Variants in NCOA1 observed in about 807,000 individuals in gnomAD.
The protein encoded by NCOA1 is nuclear receptor coactivator 1, also known as Hin-2 protein.
In NCOA1, 35 loss-of-function variants were observed where a neutral mutation model predicts 150.9. That is an observed-to-expected ratio of 0.23 (90% confidence interval 0.18 to 0.31). The LOEUF (loss-of-function observed/expected upper bound fraction) is 0.31. NCOA1 is among the 10% of genes least tolerant of loss of function. The pLI, the probability that NCOA1 is intolerant of heterozygous loss-of-function variation, is 1.00. For synonymous variants in NCOA1, 590 were observed against 630.0 expected (o/e 0.94, Z 0.95); for missense variants, 1,491 against 1,749.3 (o/e 0.85, Z 2.63).
chr2:24,570,370 G>A (rs138690605), intron 2 of NCOA1, among the ~76,000 whole-genome samples: 1 of 152,146 alleles, frequency 6.6e-6, no homozygotes, highest in Admixed American at 6.5e-5. Context: ...GTTGGCCAAA[G>A]AAGATGAGAC....
At chr2:24,754,262 A>C (rs1032712031) in intron 20 of NCOA1, among the ~76,000 whole-genome samples, 1 of 152,254 alleles carries the variant, frequency 6.6e-6, no homozygotes. Flanking sequence ...CATGAGGCAG[A>C]GTATGTCCGT....
At chr2:24,639,431 T>C (rs560525002) in intron 3 of NCOA1, among the ~76,000 whole-genome samples, 1 of 152,160 alleles carries the variant, frequency 6.6e-6, no homozygotes, top group Admixed American at 6.5e-5. Flanking sequence ...TTTTAACTTT[T>C]TCTTGATCAA....
chr2:24,711,072 C>G lies in NCOA1; in HGVS notation c.2560C>G (p.Leu854Val). 6.2e-7 allele frequency: 1 copy of G among 1,614,144 alleles called. No individual in the cohort carries two copies. Among genetic ancestry groups the G allele is most frequent in the Non-Finnish European group, 8.5e-7 (1 of 1,180,008 alleles). Reference sequence around the variant, plus strand: ...CAAATCGGAGATCCTGCCAGCTTCACTTCAGTCCGCCACTGCCAGACCCAC... The same window carrying G: ...CAAATCGGAGATCCTGCCAGCTTCAGTTCAGTCCGCCACTGCCAGACCCAC... ...TIKSEILPAS[L>V]QSATARPTSR... The change falls in exon 14 of 23, where the codon CTT becomes GTT. Residue 854 changes from leucine to valine, a missense_variant. By Grantham distance (32) the Leu-to-Val change is conservative. This residue lies in a region of NCOA1 where 703 missense variants were observed against 717.7 expected (regional missense o/e 0.98). Transcript: ENST00000348332.
chr2:24,520,809 G>A (rs980698111), intron 1 of NCOA1, among the ~76,000 whole-genome samples: 8 of 152,176 alleles, frequency 5.3e-5, no homozygotes, highest in Non-Finnish European at 1.2e-4. Flanking sequence ...AAAAAGTCTT[G>A]TGAATGGGAA....
At chr2:24,510,666 C>T (rs185000239) in intron 1 of NCOA1, among the ~76,000 whole-genome samples, 1 of 152,084 alleles carries the variant, frequency 6.6e-6, no homozygotes, top group Non-Finnish European at 1.5e-5. Flanking sequence ...ACTATATTTT[C>T]GGTAAACTTT....
At chr2:24,759,129 T>C (rs546917575) in intron 21 of NCOA1, among the ~76,000 whole-genome samples, 2 of 152,366 alleles carry the variant, frequency 1.3e-5, no homozygotes, top group Admixed American at 1.3e-4. Flanking sequence ...AAGATAGCCT[T>C]GTGGGACATG....
intron 3 of NCOA1, among the ~76,000 whole-genome samples, chr2:24,629,817 C>CATATACATATATAT (rs1553439184): frequency 2.4e-4 from 19 of 79,342 alleles, no homozygotes; most frequent in African/African-American, 8.5e-4. Context: ...AACATACATA[C>CATATACATATATAT]ATATATATAT....
chr2:24,704,240 T>G (rs1673301563), intron 11 of NCOA1, among the ~76,000 whole-genome samples: 1 of 152,200 alleles, frequency 6.6e-6, no homozygotes, highest in Non-Finnish European at 1.5e-5. Context: ...ACCTTAGTGA[T>G]TCACATTCCT....
At chr2:24,537,513 T>C (rs1665209073) in intron 1 of NCOA1, among the ~76,000 whole-genome samples, 1 of 151,902 alleles carries the variant, frequency 6.6e-6, no homozygotes, top group Non-Finnish European at 1.5e-5. Context: ...TCTCTCTCTC[T>C]CTGTATATAT....
intron 19 of NCOA1, among the ~76,000 whole-genome samples, chr2:24,747,069 T>A (rs1663960228): frequency 6.6e-6 from 1 of 151,916 alleles, no homozygotes; most frequent in Non-Finnish European, 1.5e-5. Context: ...AAATAATAAA[T>A]TTAAAAGACC....
At chr2:24,522,551 T>C (rs1385291143) in intron 1 of NCOA1, among the ~76,000 whole-genome samples, 2 of 152,052 alleles carry the variant, frequency 1.3e-5, no homozygotes, top group African/African-American at 4.8e-5. Context: ...TACACCAGAG[T>C]GTACACCAGA....
In NCOA1 at chr2:24,491,304, G is replaced by T. The variant is rs977657579; in HGVS notation, c.-694G>T. On this transcript the variant is annotated 5_prime_UTR_variant, in exon 1 of 23. The change abolishes the stop of an existing upstream ORF in the 5' untranslated region. Transcript: ENST00000348332. ...AACATGGCGGCCGCGGAGAGCGGCT[G>T]AAATGCCTGTTCTTCAGGCCGGGCG... Among the ~76,000 whole-genome samples, 1 of 147,894 alleles carries T rather than the reference G, an allele frequency of 6.8e-6. No individual in the cohort carries two copies. The highest frequency in any genetic ancestry group is 2.1e-4 in the South Asian group (1 of 4,814).
At chr2:24,590,746 C>T (rs1255359567) in intron 3 of NCOA1, among the ~76,000 whole-genome samples, 3 of 152,172 alleles carry the variant, frequency 2.0e-5, no homozygotes, top group Non-Finnish European at 4.4e-5. Context: ...GGGAATCAGA[C>T]ATTGCTTGTC....
chr2:24,740,472 A>G (rs560732294), intron 18 of NCOA1, among the ~76,000 whole-genome samples: 1 of 152,350 alleles, frequency 6.6e-6, no homozygotes, highest in Admixed American at 6.5e-5. Context: ...TGGTATTTGT[A>G]TATCAAAACA....
intron 3 of NCOA1, among the ~76,000 whole-genome samples, chr2:24,617,951 A>G (rs755810003): frequency 2.0e-5 from 3 of 152,210 alleles, no homozygotes; most frequent in South Asian, 2.1e-4. Flanking sequence ...GAGAAGGAAC[A>G]TATGTAAACT....
chr2:24,696,311 A>G lies in NCOA1; in HGVS notation c.809-1347A>G, dbSNP rs575722037. Among the ~76,000 whole-genome samples, 6 of 152,310 alleles carry G rather than the reference A, an allele frequency of 3.9e-5. No individual in the cohort carries two copies. The Middle Eastern group carries it at 0.01, about 259-fold the overall frequency. The stretch of plus-strand genomic sequence containing the variant: ...AGTTCAATGAGGAGGCACAAACTGG[A>G]TGATAGATTTGAGTTGATTGTATGA... On this transcript the variant is annotated intron_variant, in intron 10 of 22. Coordinates refer to ENST00000348332, the MANE Select transcript of NCOA1 (RefSeq NM_003743.5).
rs546200441 is a variant in NCOA1, at chr2:24,762,256, A to AT, written c.4066-424dup. Among the ~76,000 whole-genome samples the AT allele has an allele frequency of 1.1e-3, 174 of 152,264 alleles. 2 individuals carry two copies. The highest frequency in any genetic ancestry group is 3.4e-3 in the Middle Eastern group (1 of 294). ...TGCCTTTTTTTCACATATTTTGTCA[A>AT]TTTTTTTAGCTGATTGAGGCAGGAG... On this transcript the variant is annotated intron_variant, in intron 21 of 22. Transcript: ENST00000348332.
chr2:24,637,805 C>T (rs1337656823), intron 3 of NCOA1, among the ~76,000 whole-genome samples: 2 of 152,174 alleles, frequency 1.3e-5, no homozygotes, highest in Non-Finnish European at 2.9e-5. Context: ...AAGCCATTCT[C>T]CTGCCTCAGC....
Position 24,673,472 on chromosome 2 carries a change from C to T in NCOA1, c.354+9C>T. ...GACCTCTTCTTTTGGAGGTAGGTGT[C>T]TTCATTGACTCAGAAAGTGATTAAA... On this transcript the variant is annotated intron_variant, in intron 7 of 22. Transcript: ENST00000348332. The T allele has an allele frequency of 6.4e-7, 1 of 1,551,202 alleles. No individual in the cohort carries two copies. The highest frequency in any genetic ancestry group is 8.7e-7 in the Non-Finnish European group (1 of 1,143,852).
Sources: allele counts gnomAD v4.1 joint callset (sites outside exome capture counted in the v4.1 genomes callset), GRCh38; gene constraint gnomAD v4.1.1; regional missense constraint gnomAD v4.1.1; transcripts MANE v1.5; gene names NCBI Gene and HGNC (gene_info 2026-07-23, HGNC 2026-07-21).